The following SPIDR variants were observed in gnomAD, a reference collection of about 807,000 sequenced individuals.
SPIDR encodes the protein DNA repair-scaffolding protein.
A neutral mutation model predicts 104.6 loss-of-function variants in SPIDR; 93 were observed. The observed-to-expected ratio is 0.89, with a 90% CI of 0.75 to 1.06. The LOEUF is 1.06. SPIDR is among the 50% of genes least tolerant of loss of function. The pLI, the probability that SPIDR is intolerant of heterozygous loss-of-function variation, is 0.00. For missense variants in SPIDR, 1,154 were observed against 1,111.2 expected (o/e 1.04, Z -0.55); for synonymous variants, 431 against 416.9 (o/e 1.03, Z -0.41).
At chr8:47,553,415 C>A (rs912171503) in intron 8 of SPIDR, among the ~76,000 whole-genome samples, 1 of 152,130 alleles carries the variant, frequency 6.6e-6, no homozygotes, top group Non-Finnish European at 1.5e-5. Flanking sequence ...TCACATAGTC[C>A]CATATTTTTT....
intron 4 of SPIDR, among the ~76,000 whole-genome samples, chr8:47,291,536 A>G (rs2039904764): frequency 1.3e-5 from 2 of 152,180 alleles, no homozygotes. Context: ...ATTCCTTTCT[A>G]ATAGTTAGGA....
intron 5 of SPIDR, 128 bp from the exon 6 acceptor site, chr8:47,396,248 C>A: frequency 1.3e-6 from 1 of 777,754 alleles, no homozygotes; most frequent in Non-Finnish European, 2.0e-6. Context: ...GCTGCAGATA[C>A]TGTATTCAAA....
intron 10 of SPIDR, among the ~76,000 whole-genome samples, chr8:47,651,018 A>G (rs2071513965): frequency 6.6e-6 from 1 of 152,164 alleles, no homozygotes; most frequent in Admixed American, 6.5e-5. Context: ...AACCCAGGAA[A>G]AACTCTTCTG....
intron 5 of SPIDR, among the ~76,000 whole-genome samples, chr8:47,353,390 G>C (rs1363932506): frequency 3.9e-5 from 6 of 152,128 alleles, no homozygotes; most frequent in Admixed American, 2.6e-4. Flanking sequence ...TTTTCTCTAG[G>C]GCTTTCCACG....
At chr8:47,261,154 C>G (rs1426260645) in intron 1 of SPIDR, among the ~76,000 whole-genome samples, 163 bp downstream of exon 1, 1 of 152,146 alleles carries the variant, frequency 6.6e-6, no homozygotes, top group African/African-American at 2.4e-5. Flanking sequence ...GGAGCAAGCC[C>G]GCGCAGTGGG....
chr8:47,511,191 G>C lies in SPIDR; in HGVS notation c.1097+70649G>C. 1.9e-6 allele frequency: 3 copies of C among 1,582,412 alleles called. No individual in the cohort carries two copies. In the South Asian group the frequency reaches 3.3e-5, roughly 17 times the overall value. ...CCACAATGAAGAGTTGGATGTTGCT[G>C]ATCCTGTGGCTGTGGTTAAATTTCT... is the stretch of plus-strand genomic sequence containing the variant. On this transcript the variant is annotated intron_variant, in intron 8 of 19. Coordinates refer to ENST00000297423, the MANE Select transcript of SPIDR (RefSeq NM_001080394.4).
chr8:47,301,138 G>A (rs1021282082), intron 5 of SPIDR, among the ~76,000 whole-genome samples: 1 of 152,130 alleles, frequency 6.6e-6, no homozygotes, highest in African/African-American at 2.4e-5. Context: ...CTCCCGTATT[G>A]GGTGCATATA....
intron 7 of SPIDR, among the ~76,000 whole-genome samples, chr8:47,437,166 C>T (rs2068486772): frequency 6.6e-6 from 1 of 151,828 alleles, no homozygotes; most frequent in African/African-American, 2.4e-5. Context: ...CATATGTATA[C>T]ATGTGCCATG....
intron 8 of SPIDR, among the ~76,000 whole-genome samples, chr8:47,445,809 CA>C (rs1490490865): frequency 1.2e-4 from 18 of 152,324 alleles, no homozygotes; most frequent in African/African-American, 4.3e-4. Context: ...GATAGGAGCT[CA>C]AACAAGCCAT....
At chr8:47,370,439 ATTTTT>A (rs34220804) in intron 5 of SPIDR, among the ~76,000 whole-genome samples, 5 of 99,076 alleles carry the variant, frequency 5.0e-5, no homozygotes, top group African/African-American at 1.7e-4. Flanking sequence ...AGAGGTCAAG[ATTTTT>A]TTTTTTTTTT....
intron 8 of SPIDR, among the ~76,000 whole-genome samples, chr8:47,558,784 C>T (rs940871871): frequency 1.1e-4 from 17 of 152,094 alleles, no homozygotes; most frequent in African/African-American, 1.9e-4. Flanking sequence ...GGACTACAGG[C>T]GCCCACCACC....
At position 47,598,990 on chromosome 8, in the gene SPIDR, T is replaced by C. The variant is rs1482366478; in HGVS notation, c.1338T>C (p.His446=). The change falls in exon 10 of 20, where the codon CAT becomes CAC. Residue 446 remains histidine (H), a synonymous_variant. Coordinates refer to ENST00000297423, the MANE Select transcript of SPIDR (RefSeq NM_001080394.4). ...GVATTGTAWT[H]GHKEAKQRIP... is the part of the protein sequence containing the mutation. ...CCACTACAGGGACAGCCTGGACCCA[T>C]GGGCACAAAGAAGCAAAACAGCGCA... 1.9e-6 allele frequency: 3 copies of C among 1,613,744 alleles called. No individual in the cohort carries two copies. Among genetic ancestry groups the C allele is most frequent in the Admixed American group, 3.3e-5 (2 of 59,962 alleles).
chr8:47,563,496 C>G (rs1478495379), intron 8 of SPIDR, among the ~76,000 whole-genome samples: 3 of 152,166 alleles, frequency 2.0e-5, no homozygotes, highest in Non-Finnish European at 4.4e-5. Flanking sequence ...TCTTGAAACC[C>G]AAATCTGTGG....
At chr8:47,362,274 G>A (rs527982552) in intron 5 of SPIDR, among the ~76,000 whole-genome samples, 2 of 152,154 alleles carry the variant, frequency 1.3e-5, no homozygotes, top group Non-Finnish European at 2.9e-5. Flanking sequence ...CCATTGTATC[G>A]CTTTTAAAGA....
intron 10 of SPIDR, among the ~76,000 whole-genome samples, chr8:47,618,900 C>A (rs1425936845): frequency 6.6e-6 from 1 of 152,072 alleles, no homozygotes; most frequent in Non-Finnish European, 1.5e-5. Context: ...GAACAAGGTC[C>A]AAAACAAGCA....
At chr8:47,592,622 G>A (rs779640572) in intron 8 of SPIDR, 10 of 1,137,798 alleles carry the variant, frequency 8.8e-6, no homozygotes, top group South Asian at 4.0e-5. Flanking sequence ...ATCAGAACCC[G>A]AGTTCGGCCT....
At chr8:47,598,242 T>C (rs2061846787) in intron 9 of SPIDR, among the ~76,000 whole-genome samples, 1 of 152,254 alleles carries the variant, frequency 6.6e-6, no homozygotes, top group Non-Finnish European at 1.5e-5. Flanking sequence ...TGGAGCCAGA[T>C]GACCTGGTTC....
At position 47,591,820 on chromosome 8, in the gene SPIDR, A is replaced by G. The variant is rs574781855; in HGVS notation, c.1098-3991A>G. ...TAAAGAAAAACACGCACATCCCTGC[A>G]GCTAACCGGACAACTACCTTCATTC... On this transcript the variant is annotated intron_variant, in intron 8 of 19. Transcript: ENST00000297423. 1.2e-4 allele frequency among the ~76,000 whole-genome samples: 19 copies of G among 152,296 alleles called. No homozygotes were observed. In the South Asian group the frequency reaches 2.1e-3, roughly 17 times the overall value.
intron 8 of SPIDR, among the ~76,000 whole-genome samples, chr8:47,573,889 G>C (rs1287824784): frequency 6.6e-6 from 1 of 152,212 alleles, no homozygotes; most frequent in Non-Finnish European, 1.5e-5. Context: ...TGCTGTCCTT[G>C]TTGCCCTAAT....
Sources: gnomAD v4.1 joint callset for allele counts (sites outside exome capture counted in the v4.1 genomes callset) on GRCh38, gnomAD v4.1.1 for gene constraint, MANE v1.5 for transcripts, NCBI Gene and HGNC (gene_info 2026-07-23, HGNC 2026-07-21) for gene names.